RAB12: variants seen among roughly 807,000 people sequenced by gnomAD.
RAB12 encodes the protein RAB12, member RAS oncogene family, also known as ras-related protein Rab-12.
RAB12 carries 11 observed loss-of-function variants against 28.4 expected under a neutral mutation model. That is an observed-to-expected ratio of 0.39 (90% confidence interval 0.24 to 0.64). RAB12 has a LOEUF of 0.64. Among genes scored for constraint, RAB12 ranks in the 30% least tolerant of loss-of-function variants. The pLI, the probability that RAB12 is intolerant of heterozygous loss-of-function variation, is 0.50. For missense variants in RAB12, 276 were observed against 351.1 expected (o/e 0.79, Z 1.71); for synonymous variants, 138 against 145.3 (o/e 0.95, Z 0.36).
At chr18:8,623,896 G>A (rs1472836450) in intron 1 of RAB12, among the ~76,000 whole-genome samples, 1 of 152,256 alleles carries the variant, frequency 6.6e-6, no homozygotes, top group Non-Finnish European at 1.5e-5. Context: ...CTTTTGTGTG[G>A]CATTGGTGTC....
At chr18:8,633,488 T>G (rs1400490175) in intron 3 of RAB12, among the ~76,000 whole-genome samples, 161 bp downstream of exon 3, 1 of 152,188 alleles carries the variant, frequency 6.6e-6, no homozygotes, top group Non-Finnish European at 1.5e-5. Context: ...AGTCCTGTAT[T>G]GTGGATGAGG....
chr18:8,627,359 G>A (rs1250067105), intron 2 of RAB12, among the ~76,000 whole-genome samples: 5 of 152,144 alleles, frequency 3.3e-5, no homozygotes, highest in South Asian at 2.1e-4. Context: ...ATTGCCATTC[G>A]GTTTTCATAG....
At chr18:8,637,986 G>A (rs138396133) in intron 5 of RAB12, among the ~76,000 whole-genome samples, 163 bp from the exon 6 acceptor site, 224 of 152,270 alleles carry the variant, frequency 1.5e-3, no homozygotes, top group African/African-American at 5.0e-3. Flanking sequence ...TGGCAGAGGC[G>A]GAGGAGAAGG....
In RAB12 at chr18:8,635,630, G is replaced by A. The variant is rs781554553; in HGVS notation, c.804+8G>A. 1 of 1,595,364 alleles carries A rather than the reference G, an allele frequency of 6.3e-7. No individual in the cohort carries two copies. Among genetic ancestry groups the A allele is most frequent in the Non-Finnish European group, 8.6e-7 (1 of 1,167,954 alleles). ...AGGCAGCAGGGGGAAAAGGTGAGAG[G>A]GCGTGGGAGGCACGGTTGCCACACA... is the stretch of plus-strand genomic sequence containing the variant. On this transcript the variant is annotated splice_region_variant and intron_variant, in intron 4 of 5. Coordinates refer to ENST00000649141, the MANE Select transcript of RAB12 (RefSeq NM_001025300.3).
intron 1 of RAB12, among the ~76,000 whole-genome samples, chr18:8,618,702 C>T (rs992530386): frequency 4.6e-5 from 7 of 152,110 alleles, no homozygotes; most frequent in Admixed American, 2.0e-4. Context: ...TTGGTAGAGA[C>T]GAGGTTTCAC....
chr18:8,635,741 C>G (rs1243191161), intron 4 of RAB12, 119 bp downstream of exon 4: 2 of 608,196 alleles, frequency 3.3e-6, no homozygotes, highest in Non-Finnish European at 5.5e-6. Context: ...AGTGATAACT[C>G]AGTCACATCC....
At chr18:8,632,813 G>A (rs2096016798) in intron 2 of RAB12, 2 of 232,980 alleles carry the variant, frequency 8.6e-6, no homozygotes, top group Non-Finnish European at 1.6e-5. Context: ...TGGAAACTCT[G>A]TATTTTAAAA....
intron 3 of RAB12, among the ~76,000 whole-genome samples, chr18:8,634,122 A>G (rs1445440145): frequency 6.6e-6 from 1 of 151,970 alleles, no homozygotes; most frequent in Non-Finnish European, 1.5e-5. Flanking sequence ...CATGTCATTG[A>G]TGATGTATGC....
At chr18:8,620,165 C>CTTTCAA in intron 1 of RAB12, among the ~76,000 whole-genome samples, 1 of 75,432 alleles carries the variant, frequency 1.3e-5, no homozygotes, top group Non-Finnish European at 2.3e-5. Context: ...TTTTTTGCTT[C>CTTTCAA]AAAAAAAAAA....
At chr18:8,612,267 C>T (rs995339287) in intron 1 of RAB12, among the ~76,000 whole-genome samples, 3 of 152,226 alleles carry the variant, frequency 2.0e-5, no homozygotes, top group African/African-American at 7.2e-5. Context: ...GAGAAGGCTT[C>T]CTCGTCATTG....
chr18:8,625,485 C>T (rs541606727), intron 2 of RAB12, among the ~76,000 whole-genome samples: 1 of 152,198 alleles, frequency 6.6e-6, no homozygotes, highest in Non-Finnish European at 1.5e-5. Flanking sequence ...TCCGGCTGTA[C>T]TGCTGATTCC....
intron 3 of RAB12, 55 bp downstream of exon 3, chr18:8,633,382 A>C: frequency 6.3e-7 from 1 of 1,588,508 alleles, no homozygotes; most frequent in South Asian, 1.1e-5. Flanking sequence ...AGTCTTAATC[A>C]TTATTAAAAG....
chr18:8,617,220 A>G (rs2096007180), intron 1 of RAB12, among the ~76,000 whole-genome samples: 1 of 152,200 alleles, frequency 6.6e-6, no homozygotes, highest in Admixed American at 6.5e-5. Context: ...TCTTTTCCTA[A>G]TTTATCCTGT....
intron 3 of RAB12, 130 bp downstream of exon 3, chr18:8,633,457 T>C: frequency 9.8e-7 from 1 of 1,016,386 alleles, no homozygotes; most frequent in Non-Finnish European, 1.5e-6. Flanking sequence ...AGCCCATATA[T>C]AGCCTTCGGG....
chr18:8,628,948 A>G (rs1051098093), intron 2 of RAB12, among the ~76,000 whole-genome samples: 4 of 152,214 alleles, frequency 2.6e-5, no homozygotes, highest in Non-Finnish European at 5.9e-5. Flanking sequence ...TAAAGTATGT[A>G]ATTCCTAAAA....
At chr18:8,623,821 A>T (rs1054313596) in intron 1 of RAB12, among the ~76,000 whole-genome samples, 3 of 152,212 alleles carry the variant, frequency 2.0e-5, no homozygotes, top group African/African-American at 7.2e-5. Flanking sequence ...TATTCATGCA[A>T]CTTCTCTCCT....
At chr18:8,633,033 T>TAAA (rs2096016898) in intron 2 of RAB12, 156 bp from the exon 3 acceptor site, 7 of 814,350 alleles carry the variant, frequency 8.6e-6, no homozygotes, top group Non-Finnish European at 1.4e-5. Context: ...TTTTCCTACT[T>TAAA]TCTTTAAGTG....
At chr18:8,637,988 A>T (rs949987683) in intron 5 of RAB12, among the ~76,000 whole-genome samples, 161 bp from the exon 6 acceptor site, 6 of 152,030 alleles carry the variant, frequency 3.9e-5, no homozygotes, top group Non-Finnish European at 8.8e-5. Context: ...GCAGAGGCGG[A>T]GGAGAAGGTG....
intron 1 of RAB12, chr18:8,610,169 C>T: frequency 2.2e-6 from 1 of 459,450 alleles, no homozygotes; most frequent in Non-Finnish European, 3.9e-6. Flanking sequence ...GCCCTTGGCC[C>T]CCGGCCCTGC....
Sources: gnomAD v4.1 joint callset for allele counts (sites outside exome capture counted in the v4.1 genomes callset) on GRCh38, gnomAD v4.1.1 for gene constraint, MANE v1.5 for transcripts, NCBI Gene and HGNC (gene_info 2026-07-23, HGNC 2026-07-21) for gene names.